Variants in CDYL2 observed in about 807,000 individuals in gnomAD.
CDYL2 encodes chromodomain Y like 2.
In CDYL2, 23 loss-of-function variants were observed where a neutral mutation model predicts 49.4. The ratio of observed to expected loss-of-function variants is 0.47; its 90% confidence interval spans 0.34 to 0.66. The LOEUF is 0.66. Among genes scored for constraint, CDYL2 ranks in the 30% least tolerant of loss-of-function variants. The pLI, the probability that CDYL2 is intolerant of heterozygous loss-of-function variation, is 0.01. For missense variants in CDYL2, 678 were observed against 656.4 expected, an observed-to-expected ratio of 1.03 and a Z score of -0.36; for synonymous variants, 360 against 268.8, an observed-to-expected ratio of 1.34 and a Z score of -3.32.
intron 2 of CDYL2, among the ~76,000 whole-genome samples, chr16:80,642,396 C>G (rs998116475): frequency 7.9e-5 from 12 of 152,266 alleles, no homozygotes; most frequent in African/African-American, 2.9e-4. Context: ...GAGCCAAGAT[C>G]TCGCCACTGC....
chr16:80,761,414 C>T lies in CDYL2; in HGVS notation c.24+42736G>A, dbSNP rs1016189504. On this transcript the variant is annotated intron_variant, in intron 1 of 6. Coordinates refer to ENST00000570137, the MANE Select transcript of CDYL2 (RefSeq NM_152342.4). ...ACGGTTGTTGTAAGATTATAACACA[C>T]CCAGAGCTTAGTAGAGAGCTTGACG... 4.3e-4 allele frequency among the ~76,000 whole-genome samples: 66 copies of T among 152,172 alleles called. 1 individual carries two copies. Among genetic ancestry groups the T allele is most frequent in the Non-Finnish European group, 2.9e-5 (2 of 68,040 alleles).
intron 1 of CDYL2, among the ~76,000 whole-genome samples, chr16:80,797,204 A>G (rs1907792230): frequency 6.6e-6 from 1 of 152,144 alleles, no homozygotes; most frequent in Non-Finnish European, 1.5e-5. Flanking sequence ...GGCACACACA[A>G]CTTGCTGCTG....
Position 80,689,999 on chromosome 16 carries a change from T to C in CDYL2, c.25-4870A>G, listed in dbSNP as rs141900652. Among the ~76,000 whole-genome samples the C allele has an allele frequency of 3.5e-3, 535 of 151,960 alleles. 2 individuals carry two copies. Among genetic ancestry groups the C allele is most frequent in the Non-Finnish European group, 4.8e-3 (329 of 67,960 alleles). On this transcript the variant is annotated intron_variant, in intron 1 of 6. Coordinates refer to ENST00000570137, the MANE Select transcript of CDYL2 (RefSeq NM_152342.4). ...AGCTGGGCGTGGTGGCATATGTCTG[T>C]AATCCCAGCTACTCCAGAGGCTGAG...
At chr16:80,669,095 T>C (rs921438380) in intron 2 of CDYL2, among the ~76,000 whole-genome samples, 4 of 151,888 alleles carry the variant, frequency 2.6e-5, no homozygotes, top group Non-Finnish European at 5.9e-5. Flanking sequence ...CAAATTTGTC[T>C]CCTCTTTCTT....
chr16:80,712,191 G>GTATGTATATATATATATATATATATA (rs1904636906), intron 1 of CDYL2, among the ~76,000 whole-genome samples: 1 of 107,934 alleles, frequency 9.3e-6, no homozygotes, highest in African/African-American at 2.9e-5. Context: ...GTCTGTGTGT[G>GTATGTATATATATATATATATATATA]TATATATATA....
In CDYL2 at chr16:80,618,027, C is replaced by T. The variant is rs530685784; in HGVS notation, c.1007+2736G>A. On this transcript the variant is annotated intron_variant, in intron 4 of 6. Transcript: ENST00000570137. ...GCTCCCTTGGGCCTCTCTGTGCTGT[C>T]AGGGCTGAGAACCAGTGGTCCAGGG... Among the ~76,000 whole-genome samples the T allele has an allele frequency of 4.6e-5, 7 of 152,300 alleles. No individual in the cohort carries two copies. In the South Asian group the frequency reaches 1.4e-3, roughly 32 times the overall value.
In CDYL2 at chr16:80,683,182, A is replaced by G. The variant is rs960584752; in HGVS notation, c.616+1356T>C. Among the ~76,000 whole-genome samples, 18 of 152,208 alleles carry G rather than the reference A, an allele frequency of 1.2e-4. No homozygotes were observed. In the East Asian group the frequency reaches 3.5e-3, roughly 29 times the overall value. ...TCCAAGCATCCCGGTCTCCACACGC[A>G]CCCTGGTTTCATCAGGGAATCTGAT... On this transcript the variant is annotated intron_variant, in intron 2 of 6. Transcript: ENST00000570137.
intron 1 of CDYL2, among the ~76,000 whole-genome samples, chr16:80,708,920 G>C (rs1032692774): frequency 1.1e-4 from 16 of 152,060 alleles, no homozygotes; most frequent in Admixed American, 5.9e-4. Flanking sequence ...ATAAAAAATT[G>C]CTTATTATAA....
intron 2 of CDYL2, among the ~76,000 whole-genome samples, chr16:80,660,941 T>C (rs1486504487): frequency 6.6e-6 from 1 of 152,098 alleles, no homozygotes; most frequent in Non-Finnish European, 1.5e-5. Flanking sequence ...CAGGGGCAGC[T>C]GCCCCTGAGC....
At chr16:80,688,840 G>A (rs552563150) in intron 1 of CDYL2, among the ~76,000 whole-genome samples, 1 of 152,144 alleles carries the variant, frequency 6.6e-6, no homozygotes, top group African/African-American at 2.4e-5. Flanking sequence ...TCTCTCTCTG[G>A]GAAATCCTTT....
chr16:80,707,243 G>T (rs909041428), intron 1 of CDYL2, among the ~76,000 whole-genome samples: 4 of 152,144 alleles, frequency 2.6e-5, no homozygotes, highest in Non-Finnish European at 5.9e-5. Context: ...TGACAGGACT[G>T]CTTGAGGCCA....
rs192099611 is a variant in CDYL2, at chr16:80,751,845, T to C, written c.24+52305A>G. Among the ~76,000 whole-genome samples the C allele has an allele frequency of 3.4e-3, 514 of 152,270 alleles. 2 individuals carry two copies. Among genetic ancestry groups the C allele is most frequent in the Non-Finnish European group, 5.6e-3 (384 of 68,018 alleles). On this transcript the variant is annotated intron_variant, in intron 1 of 6. Transcript: ENST00000570137. ...CAAAGACTGAAAACCGGCTTCCGTC[T>C]CTGATTGAACTGAAAGTGATCTGCC...
chr16:80,738,965 AGAG>A (rs1379191506), intron 1 of CDYL2, among the ~76,000 whole-genome samples: 11 of 152,224 alleles, frequency 7.2e-5, no homozygotes, highest in Non-Finnish European at 1.3e-4. Flanking sequence ...GTAAAAGATC[AGAG>A]GAGTATTTCA....
At chr16:80,605,835 C>A (rs1383434101) in intron 6 of CDYL2, among the ~76,000 whole-genome samples, 1 of 152,176 alleles carries the variant, frequency 6.6e-6, no homozygotes, top group East Asian at 1.9e-4. Context: ...ATTTACTTCT[C>A]ATGATAACCC....
At chr16:80,774,159 A>C (rs940430369) in intron 1 of CDYL2, among the ~76,000 whole-genome samples, 7 of 152,202 alleles carry the variant, frequency 4.6e-5, no homozygotes, top group Non-Finnish European at 1.0e-4. Context: ...AGAAATCAGA[A>C]GTGACAAAAA....
chr16:80,769,500 C>T (rs550092140), intron 1 of CDYL2, among the ~76,000 whole-genome samples: 140 of 152,290 alleles, frequency 9.2e-4, no homozygotes, highest in African/African-American at 2.9e-3. Context: ...CTGCCAGTGA[C>T]GACAGCCAAG....
intron 2 of CDYL2, among the ~76,000 whole-genome samples, chr16:80,656,363 G>T (rs1474680250): frequency 1.3e-5 from 2 of 152,254 alleles, no homozygotes; most frequent in East Asian, 1.9e-4. Flanking sequence ...CTGCTCTGCT[G>T]AGCCCAAAAG....
At chr16:80,640,339 A>T (rs1255753791) in intron 2 of CDYL2, among the ~76,000 whole-genome samples, 2 of 152,118 alleles carry the variant, frequency 1.3e-5, no homozygotes, top group East Asian at 3.9e-4. Context: ...CCAGAAGGGA[A>T]CCTGCTGCCT....
At chr16:80,759,269 G>A (rs972594257) in intron 1 of CDYL2, among the ~76,000 whole-genome samples, 1 of 150,848 alleles carries the variant, frequency 6.6e-6, no homozygotes, top group Non-Finnish European at 1.5e-5. Context: ...TTTCTGTGTT[G>A]GGTATATTTG....
Sources: gnomAD v4.1 joint callset for allele counts (sites outside exome capture counted in the v4.1 genomes callset) on GRCh38, gnomAD v4.1.1 for gene constraint, MANE v1.5 for transcripts, NCBI Gene and HGNC (gene_info 2026-07-23, HGNC 2026-07-21) for gene names.